YES1: variants seen among roughly 807,000 people sequenced by gnomAD.
The protein encoded by YES1 is YES proto-oncogene 1, Src family tyrosine kinase.
Under a neutral mutation model 70.4 loss-of-function variants are expected in YES1, and 39 were observed. The observed-to-expected ratio is 0.55, with a 90% CI of 0.43 to 0.72. The LOEUF (loss-of-function observed/expected upper bound fraction) is 0.72, where lower values mean the gene tolerates loss of function less well. Among genes scored for constraint, YES1 ranks in the 30% least tolerant of loss-of-function variants. YES1 has a pLI of 0.00. For missense variants in YES1, 495 were observed against 644.8 expected (o/e 0.77, Z 2.52); for synonymous variants, 198 against 218.6 (o/e 0.91, Z 0.83).
chr18:789,944 A>C (rs1598937561), intron 1 of YES1, among the ~76,000 whole-genome samples: 1 of 152,302 alleles, frequency 6.6e-6, no homozygotes, highest in South Asian at 2.1e-4. Flanking sequence ...CTGTAATCCC[A>C]GCTACTTGGA....
intron 6 of YES1, 140 bp from the exon 7 acceptor site, chr18:743,555 A>G (rs1202864643): frequency 1.6e-6 from 1 of 636,876 alleles, no homozygotes; most frequent in Non-Finnish European, 2.5e-6. Flanking sequence ...ACAAAACAAA[A>G]AGGGAGTTGT....
chr18:736,696 G>T, intron 10 of YES1, 112 bp downstream of exon 10: 1 of 1,365,726 alleles, frequency 7.3e-7, no homozygotes, highest in Non-Finnish European at 9.8e-7. Flanking sequence ...ATGTCTCTAT[G>T]ACTCTTCTGA....
intron 11 of YES1, among the ~76,000 whole-genome samples, chr18:727,911 T>C (rs1568182130): frequency 6.6e-6 from 1 of 152,192 alleles, no homozygotes; most frequent in Non-Finnish European, 1.5e-5. Flanking sequence ...AGATAATATA[T>C]AGGCTGAGTA....
At position 751,887 on chromosome 18, in the gene YES1, A is replaced by G. The variant is rs2080348999; in HGVS notation, c.272-83T>C. ...AAAAGAACTATTGCCAGCCAAAAAAAAAAAAGCTTAAGGATAGTTTTTTCT... is the reference window on the plus strand; with the variant it reads ...AAAAGAACTATTGCCAGCCAAAAAAGAAAAAGCTTAAGGATAGTTTTTTCT... On this transcript the variant is annotated intron_variant, in intron 2 of 11. Transcript: ENST00000314574. The G allele has an allele frequency of 2.0e-5, 17 of 852,780 alleles. No individual in the cohort carries two copies. The South Asian group carries it at 2.5e-4, about 13-fold the overall frequency. 52.8% of individuals were successfully genotyped at this position (852,780 alleles called of 1,614,324 possible). A position where few individuals can be genotyped will look rare whatever the true frequency, so the allele number is the denominator to read the frequency against.
At chr18:806,234 T>C (rs576366417) in intron 1 of YES1, among the ~76,000 whole-genome samples, 1 of 152,338 alleles carries the variant, frequency 6.6e-6, no homozygotes, top group African/African-American at 2.4e-5. Flanking sequence ...TTGGACTTTC[T>C]TCACTAAAAT....
chr18:809,425 A>G (rs960163880), intron 1 of YES1, among the ~76,000 whole-genome samples: 2 of 151,948 alleles, frequency 1.3e-5, no homozygotes, highest in African/African-American at 4.8e-5. Flanking sequence ...TCAGCCTCCC[A>G]GGTAGCTGGG....
chr18:763,564 G>C (rs1243230852), intron 1 of YES1, among the ~76,000 whole-genome samples: 1 of 151,942 alleles, frequency 6.6e-6, no homozygotes, highest in African/African-American at 2.4e-5. Flanking sequence ...GTTGTGGTGT[G>C]TGGTGGCACA....
chr18:730,177 G>A (rs989217004), intron 11 of YES1, among the ~76,000 whole-genome samples: 1 of 152,024 alleles, frequency 6.6e-6, no homozygotes, highest in Non-Finnish European at 1.5e-5. Flanking sequence ...AAAGCCTAGC[G>A]TATTCTCCAA....
At chr18:729,619 CTTTTTTTTTTTTTTT>C (rs869223956) in intron 11 of YES1, among the ~76,000 whole-genome samples, 1 of 75,384 alleles carries the variant, frequency 1.3e-5, no homozygotes, top group Non-Finnish European at 2.3e-5. Flanking sequence ...TGATTTTGAA[CTTTTTTTTTTTTTTT>C]TTTTTTTTTT....
At chr18:727,947 A>G (rs1387529454) in intron 11 of YES1, among the ~76,000 whole-genome samples, 1 of 152,218 alleles carries the variant, frequency 6.6e-6, no homozygotes, top group Non-Finnish European at 1.5e-5. Context: ...GTTTGGGACC[A>G]GAAGTGTTTC....
intron 1 of YES1, among the ~76,000 whole-genome samples, chr18:771,787 G>A (rs755297635): frequency 1.1e-4 from 16 of 151,680 alleles, no homozygotes; most frequent in Non-Finnish European, 1.3e-4. Flanking sequence ...CCCACACTTC[G>A]GCCTTCCCTG....
chr18:792,295 C>T (rs1411805521), intron 1 of YES1, among the ~76,000 whole-genome samples: 1 of 151,890 alleles, frequency 6.6e-6, no homozygotes, highest in Non-Finnish European at 1.5e-5. Context: ...CAGAGTGAGA[C>T]TTCATCTCGA....
At chr18:763,847 C>T (rs1030634786) in intron 1 of YES1, among the ~76,000 whole-genome samples, 16 of 151,946 alleles carry the variant, frequency 1.1e-4, no homozygotes, top group Admixed American at 6.6e-4. Flanking sequence ...CGAGGCCAGG[C>T]GCAGTGGCTC....
chr18:728,146 G>A (rs540182925), intron 11 of YES1, among the ~76,000 whole-genome samples: 1 of 152,062 alleles, frequency 6.6e-6, no homozygotes, highest in South Asian at 2.1e-4. Flanking sequence ...GACCATCCTG[G>A]GCAACATGGT....
chr18:727,545 A>C (rs999831139), intron 11 of YES1, among the ~76,000 whole-genome samples: 2 of 152,130 alleles, frequency 1.3e-5, no homozygotes, highest in African/African-American at 4.8e-5. Flanking sequence ...TGATTAAACA[A>C]GCATTTTTCA....
intron 1 of YES1, among the ~76,000 whole-genome samples, chr18:792,683 A>G (rs564392348): frequency 3.3e-5 from 5 of 152,126 alleles, no homozygotes; most frequent in African/African-American, 1.2e-4. Flanking sequence ...AGCAGCAGCC[A>G]TGTGCAGTGG....
At chr18:724,723 G>GCAACAAAA in intron 11 of YES1, 91 bp from the exon 12 acceptor site, 6 of 964,884 alleles carry the variant, frequency 6.2e-6, no homozygotes, top group African/African-American at 1.6e-5. Context: ...CTCATTCAAA[G>GCAACAAAA]TATATTATTT....
intron 1 of YES1, among the ~76,000 whole-genome samples, chr18:762,607 T>C (rs1291978821): frequency 6.6e-6 from 1 of 152,184 alleles, no homozygotes; most frequent in African/African-American, 2.4e-5. Context: ...ACTTATATAT[T>C]CATTAATAAC....
intron 1 of YES1, among the ~76,000 whole-genome samples, chr18:793,133 G>A (rs1341918916): frequency 3.3e-5 from 5 of 150,704 alleles, no homozygotes; most frequent in Non-Finnish European, 5.9e-5. Context: ...TCCACCTCCC[G>A]GGTTCAAGCG....
Sources: gnomAD v4.1 joint callset for allele counts (sites outside exome capture counted in the v4.1 genomes callset) on GRCh38, gnomAD v4.1.1 for gene constraint, MANE v1.5 for transcripts, NCBI Gene and HGNC (gene_info 2026-07-23, HGNC 2026-07-21) for gene names.